Variants in KCTD16 observed in about 807,000 individuals in gnomAD.
KCTD16 encodes the protein potassium channel tetramerization domain containing 16.
A neutral mutation model predicts 33.2 loss-of-function variants in KCTD16; 13 were observed. That is an observed-to-expected ratio of 0.39 (90% CI 0.25 to 0.62). The LOEUF (loss-of-function observed/expected upper bound fraction) is 0.62, where lower values mean the gene tolerates loss of function less well. Among genes scored for constraint, KCTD16 ranks in the 20% least tolerant of loss-of-function variants. KCTD16 has a pLI of 0.50. For synonymous variants in KCTD16, 197 were observed against 195.3 expected (o/e 1.01, Z -0.07); for missense variants, 441 against 525.1 (o/e 0.84, Z 1.57).
chr5:144,324,168 C>T (rs1163636889), intron 3 of KCTD16, among the ~76,000 whole-genome samples: 1 of 152,116 alleles, frequency 6.6e-6, no homozygotes, highest in Non-Finnish European at 1.5e-5. Context: ...TGCCTCCTTC[C>T]ATCTCCTACA....
chr5:144,371,128 C>G (rs1346896743), intron 3 of KCTD16, among the ~76,000 whole-genome samples: 1 of 152,048 alleles, frequency 6.6e-6, no homozygotes, highest in Non-Finnish European at 1.5e-5. Context: ...CCTTTAAAGT[C>G]TAAGATCTAA....
chr5:144,204,601 T>C (rs1753118101), intron 2 of KCTD16, among the ~76,000 whole-genome samples: 1 of 152,144 alleles, frequency 6.6e-6, no homozygotes, highest in African/African-American at 2.4e-5. Flanking sequence ...AGACGCGCAG[T>C]AAGGAAACAA....
At chr5:144,248,248 C>T (rs975561744) in intron 3 of KCTD16, among the ~76,000 whole-genome samples, 1 of 152,134 alleles carries the variant, frequency 6.6e-6, no homozygotes, top group East Asian at 1.9e-4. Flanking sequence ...TGAGAAGAGG[C>T]AATTTCAGTA....
intron 2 of KCTD16, among the ~76,000 whole-genome samples, chr5:144,178,610 A>G (rs1014220222): frequency 1.2e-4 from 18 of 152,180 alleles, no homozygotes; most frequent in Admixed American, 1.1e-3. Flanking sequence ...AAAATCATAA[A>G]TCCCCTGCTG....
At chr5:144,215,706 C>A (rs1753544273) in intron 3 of KCTD16, among the ~76,000 whole-genome samples, 1 of 152,168 alleles carries the variant, frequency 6.6e-6, no homozygotes, top group African/African-American at 2.4e-5. Context: ...GTGCCAGACA[C>A]CCAGTCAGTG....
At chr5:144,382,604 A>G (rs1031976047) in intron 3 of KCTD16, among the ~76,000 whole-genome samples, 5 of 152,182 alleles carry the variant, frequency 3.3e-5, no homozygotes, top group Admixed American at 3.3e-4. Context: ...ATAAACTACA[A>G]GAAAACTGGA....
At chr5:144,357,917 T>G (rs1233612649) in intron 3 of KCTD16, among the ~76,000 whole-genome samples, 1 of 151,810 alleles carries the variant, frequency 6.6e-6, no homozygotes, top group Admixed American at 6.6e-5. Flanking sequence ...ATTAATTAAT[T>G]TTTATTTATT....
At chr5:144,396,365 C>A (rs1752567583) in intron 3 of KCTD16, among the ~76,000 whole-genome samples, 1 of 152,148 alleles carries the variant, frequency 6.6e-6, no homozygotes, top group Non-Finnish European at 1.5e-5. Context: ...CTGATCTTAG[C>A]CACCCATTTT....
intron 3 of KCTD16, among the ~76,000 whole-genome samples, chr5:144,290,354 T>G (rs1755862128): frequency 6.6e-6 from 1 of 152,102 alleles, no homozygotes; most frequent in South Asian, 2.1e-4. Flanking sequence ...TCTATCGTAT[T>G]TCTTTGGGGA....
intron 3 of KCTD16, among the ~76,000 whole-genome samples, chr5:144,230,003 A>G (rs1013631691): frequency 6.6e-6 from 1 of 152,176 alleles, no homozygotes; most frequent in Non-Finnish European, 1.5e-5. Context: ...TCAGCTGGAC[A>G]TGGTAGCTTG....
intron 2 of KCTD16, chr5:144,205,743 C>T (rs1753150039): frequency 5.1e-6 from 2 of 395,960 alleles, no homozygotes; most frequent in Middle Eastern, 6.3e-4. Context: ...ACTTCTTCAA[C>T]CCAACCTCCT....
At position 144,273,381 on chromosome 5, in the gene KCTD16, G is replaced by A. The variant is rs185698352; in HGVS notation, c.832+65835G>A. Among the ~76,000 whole-genome samples, 567 of 152,220 alleles carry A rather than the reference G, an allele frequency of 3.7e-3. 7 individuals are homozygous for A. The highest frequency in any genetic ancestry group is 4.5e-3 in the Non-Finnish European group (307 of 67,986). ...AACCCTGTGCACTGTTTGTAGGAAT[G>A]CAAAAGAGTACAGCTGTAAAAAACA... On this transcript the variant is annotated intron_variant, in intron 3 of 3. Transcript: ENST00000512467.
At chr5:144,308,667 G>T (rs1751674686) in intron 3 of KCTD16, among the ~76,000 whole-genome samples, 1 of 150,042 alleles carries the variant, frequency 6.7e-6, no homozygotes, top group African/African-American at 2.5e-5. Flanking sequence ...ATATCTGTTT[G>T]TCTGTCTGCA....
At chr5:144,291,178 G>C (rs1022592061) in intron 3 of KCTD16, among the ~76,000 whole-genome samples, 1 of 152,118 alleles carries the variant, frequency 6.6e-6, no homozygotes, top group Non-Finnish European at 1.5e-5. Context: ...GTTCAAGCAT[G>C]CCCTGCCTAA....
intron 3 of KCTD16, among the ~76,000 whole-genome samples, chr5:144,330,807 G>T (rs1470275858): frequency 1.3e-5 from 2 of 152,192 alleles, no homozygotes; most frequent in African/African-American, 4.8e-5. Context: ...CTGCATTCAA[G>T]ATCTGGTGTG....
At chr5:144,213,971 T>C (rs74706406) in intron 3 of KCTD16, among the ~76,000 whole-genome samples, 2,285 of 152,310 alleles carry the variant, frequency 0.015, 56 homozygotes, top group African/African-American at 0.052. Flanking sequence ...ACTATGAGAA[T>C]CATTTTGGGT....
At chr5:144,399,147 G>A (rs977992424) in intron 3 of KCTD16, among the ~76,000 whole-genome samples, 2 of 152,096 alleles carry the variant, frequency 1.3e-5, no homozygotes, top group Non-Finnish European at 2.9e-5. Context: ...AAAGCAAAAC[G>A]GTAGTTGTGC....
At chr5:144,449,478 A>G (rs1753893331) in intron 3 of KCTD16, among the ~76,000 whole-genome samples, 1 of 152,012 alleles carries the variant, frequency 6.6e-6, no homozygotes, top group East Asian at 1.9e-4. Flanking sequence ...ATGGTATCAG[A>G]CTTCCTAGTT....
rs908833604 is a variant in KCTD16 at position 144,481,959 on chromosome 5, A to G, written c.*7845A>G. 3 of 151,984 alleles carry G rather than the reference A, an allele frequency of 2.0e-5. No homozygotes were observed. Among genetic ancestry groups the G allele is most frequent in the Non-Finnish European group, 4.4e-5 (3 of 67,946 alleles). The allele number at this position is 151,984 out of a possible 1,614,324, so 9.4% of individuals were successfully genotyped here. A position where few individuals can be genotyped will look rare whatever the true frequency, so the allele number is the denominator to read the frequency against. On this transcript the variant is annotated 3_prime_UTR_variant, in exon 4 of 4. Transcript: ENST00000512467. ...CATTTAATCCTATCATAATCCAATGAAGTAAGCCCTACCACTATCCTCTCT... is the reference window on the plus strand; with the variant it reads ...CATTTAATCCTATCATAATCCAATGGAGTAAGCCCTACCACTATCCTCTCT...
Sources: gnomAD v4.1 joint callset for allele counts (sites outside exome capture counted in the v4.1 genomes callset) on GRCh38, gnomAD v4.1.1 for gene constraint, MANE v1.5 for transcripts, NCBI Gene and HGNC (gene_info 2026-07-23, HGNC 2026-07-21) for gene names.